The following LRRFIP2 variants were observed in gnomAD, a reference collection of about 807,000 sequenced individuals.
LRRFIP2 encodes the protein leucine-rich repeat flightless-interacting protein 2.
Under a neutral mutation model 125.9 loss-of-function variants are expected in LRRFIP2, and 109 were observed. The observed-to-expected ratio is 0.87, with a 90% CI of 0.74 to 1.01. LRRFIP2 has a LOEUF of 1.01. LRRFIP2 is among the 50% of genes least tolerant of loss of function. The pLI is 0.00. For synonymous variants in LRRFIP2, 291 were observed against 293.1 expected, an observed-to-expected ratio of 0.99 and a Z score of 0.07; for missense variants, 850 against 862.3, an observed-to-expected ratio of 0.99 and a Z score of 0.18.
intron 1 of LRRFIP2, among the ~76,000 whole-genome samples, chr3:37,156,099 C>T (rs2096182012): frequency 6.6e-6 from 1 of 152,038 alleles, no homozygotes; most frequent in South Asian, 2.1e-4. Context: ...CATCTTGAAC[C>T]CCTGGGCTCG....
chr3:37,105,370 C>T (rs1467926238), intron 14 of LRRFIP2, 85 bp downstream of exon 14: 1 of 1,144,894 alleles, frequency 8.7e-7, no homozygotes, highest in Non-Finnish European at 1.3e-6. Flanking sequence ...CAAATGCAAA[C>T]TTCACTTTCC....
At chr3:37,055,803 A>G (rs2086673909) in intron 25 of LRRFIP2, among the ~76,000 whole-genome samples, 1 of 152,094 alleles carries the variant, frequency 6.6e-6, no homozygotes. Context: ...AACCTTGTGG[A>G]GCCTCCCTGC....
Position 37,053,869 on chromosome 3 carries a change from T to A in LRRFIP2, c.2148A>T (p.Ala716=). ...GGTTTTCCTACTGCTGGGCCAGAAG[T>A]GCTGTCCTATTGGCCTTCATCTTCT... is the stretch of plus-strand genomic sequence containing the variant. ...RLEKMKANRT[A]LLAQQ is the part of the protein sequence containing the mutation. The change falls in exon 28 of 28, where the codon GCA becomes GCT. Residue 716 remains alanine, a synonymous_variant. Transcript: ENST00000336686. 6.2e-7 allele frequency: 1 copy of A among 1,613,742 alleles called. No homozygotes were observed. The highest frequency in any genetic ancestry group is 8.5e-7 in the Non-Finnish European group (1 of 1,179,612).
At chr3:37,142,426 C>T (rs2095734620) in intron 2 of LRRFIP2, among the ~76,000 whole-genome samples, 1 of 152,120 alleles carries the variant, frequency 6.6e-6, no homozygotes, top group African/African-American at 2.4e-5. Context: ...GAATTACAAG[C>T]GTGAGCTACC....
rs1450967443 is a variant in LRRFIP2 at position 37,149,095 on chromosome 3, C to T, written c.-55-57G>A. 2.1e-6 allele frequency: 3 copies of T among 1,405,866 alleles called. No individual in the cohort carries two copies. In the African/African-American group the frequency reaches 4.3e-5, roughly 20 times the overall value. The allele number at this position is 1,405,866 out of a possible 1,614,324, so 87.1% of individuals were successfully genotyped here. A position where few individuals can be genotyped will look rare whatever the true frequency, so the allele number is the denominator to read the frequency against. On this transcript the variant is annotated intron_variant, in intron 1 of 27. Transcript: ENST00000336686. ...TATTTCTTTGTGCAATTTTCATGCT[C>T]ATTTATATATTCACTTTTAACAGAG...
At chr3:37,160,631 T>C (rs1445710161) in intron 1 of LRRFIP2, among the ~76,000 whole-genome samples, 4 of 151,500 alleles carry the variant, frequency 2.6e-5, no homozygotes, top group Non-Finnish European at 5.9e-5. Context: ...AATACAAAAT[T>C]AGCTGGGCGT....
intron 4 of LRRFIP2, among the ~76,000 whole-genome samples, chr3:37,127,288 T>C (rs1197892525): frequency 1.3e-5 from 2 of 152,038 alleles, no homozygotes; most frequent in East Asian, 1.9e-4. Context: ...ACTTGGGTCA[T>C]CTTTCAATGA....
intron 21 of LRRFIP2, among the ~76,000 whole-genome samples, chr3:37,072,225 G>A (rs898767031): frequency 6.6e-6 from 1 of 152,152 alleles, no homozygotes; most frequent in African/African-American, 2.4e-5. Context: ...GGGAGGCCAG[G>A]CATGGTGGCT....
At chr3:37,099,524 T>G (rs1003693551) in intron 15 of LRRFIP2, among the ~76,000 whole-genome samples, 2 of 152,212 alleles carry the variant, frequency 1.3e-5, no homozygotes, top group Non-Finnish European at 2.9e-5. Context: ...ATATATATAC[T>G]AACTTGATAA....
intron 7 of LRRFIP2, 85 bp from the exon 8 acceptor site, chr3:37,113,065 C>T: frequency 1.3e-6 from 1 of 758,112 alleles, no homozygotes; most frequent in Non-Finnish European, 2.3e-6. Flanking sequence ...ATTATATACA[C>T]AAAGGTCTAT....
intron 2 of LRRFIP2, among the ~76,000 whole-genome samples, chr3:37,142,154 T>TC (rs2149901284): frequency 6.7e-6 from 1 of 150,040 alleles, no homozygotes; most frequent in African/African-American, 2.4e-5. Context: ...CCTACTTTTT[T>TC]TTTTTTTTTT....
chr3:37,106,207 A>C (rs1202381763), intron 13 of LRRFIP2, among the ~76,000 whole-genome samples: 1 of 152,228 alleles, frequency 6.6e-6, no homozygotes, highest in Non-Finnish European at 1.5e-5. Context: ...GAGAAAATAA[A>C]AGAATATTTT....
chr3:37,158,710 A>AAACAAAAAGT (rs2096262423), intron 1 of LRRFIP2, among the ~76,000 whole-genome samples: 1 of 152,146 alleles, frequency 6.6e-6, no homozygotes, highest in Non-Finnish European at 1.5e-5. Context: ...AATCAAGATG[A>AAACAAAAAGT]AACAAAAAGT....
chr3:37,102,199 G>A (rs1280427757), intron 15 of LRRFIP2, among the ~76,000 whole-genome samples: 1 of 152,104 alleles, frequency 6.6e-6, no homozygotes, highest in Non-Finnish European at 1.5e-5. Flanking sequence ...CATTAGTGAT[G>A]ATAATGATAT....
At chr3:37,143,009 C>T (rs1272184024) in intron 2 of LRRFIP2, among the ~76,000 whole-genome samples, 1 of 152,102 alleles carries the variant, frequency 6.6e-6, no homozygotes, top group Non-Finnish European at 1.5e-5. Context: ...ACAGTAAGTT[C>T]TCGTGAGATC....
chr3:37,111,205 A>G, intron 8 of LRRFIP2, 140 bp from the exon 9 acceptor site: 1 of 597,594 alleles, frequency 1.7e-6, no homozygotes, highest in Non-Finnish European at 3.0e-6. Context: ...TTAAATCATC[A>G]TATCACATTA....
At chr3:37,134,940 C>A in intron 2 of LRRFIP2, 1 of 1,408,758 alleles carries the variant, frequency 7.1e-7, no homozygotes, top group Non-Finnish European at 1.0e-6. Flanking sequence ...ACAGTGGTTG[C>A]CTGCTTTAAA....
intron 1 of LRRFIP2, among the ~76,000 whole-genome samples, chr3:37,155,598 T>C (rs760846401): frequency 6.6e-6 from 1 of 152,220 alleles, no homozygotes; most frequent in Non-Finnish European, 1.5e-5. Context: ...GTCCTCTTAG[T>C]AGAACACAAG....
chr3:37,058,104 A>G (rs1470288797), intron 25 of LRRFIP2, among the ~76,000 whole-genome samples: 10 of 152,234 alleles, frequency 6.6e-5, no homozygotes, highest in African/African-American at 2.2e-4. Flanking sequence ...ATTCCAGAGA[A>G]AAAACTTTAA....
Sources: allele counts gnomAD v4.1 joint callset (sites outside exome capture counted in the v4.1 genomes callset), GRCh38; gene constraint gnomAD v4.1.1; transcripts MANE v1.5; gene names NCBI Gene and HGNC (gene_info 2026-07-23, HGNC 2026-07-21).